AGAP1: variants seen among roughly 807,000 people sequenced by gnomAD.
The protein encoded by AGAP1 is ArfGAP with GTPase domain, ankyrin repeat and PH domain 1.
Under a neutral mutation model 105.3 loss-of-function variants are expected in AGAP1, and 29 were observed. That is an observed-to-expected ratio of 0.28 (90% CI 0.21 to 0.38). AGAP1 has a LOEUF of 0.38. AGAP1 is among the 10% of genes least tolerant of loss of function. The pLI is 1.00. For missense variants in AGAP1, 998 were observed against 1,165.1 expected (o/e 0.86, Z 2.09); for synonymous variants, 509 against 485.9 (o/e 1.05, Z -0.63).
intron 6 of AGAP1, among the ~76,000 whole-genome samples, chr2:235,784,742 C>T (rs763528213): frequency 6.6e-6 from 1 of 152,024 alleles, no homozygotes; most frequent in Non-Finnish European, 1.5e-5. Context: ...TTTATGTGGA[C>T]CCTCAAATTC....
At chr2:235,884,452 G>GTT (rs35976413) in intron 10 of AGAP1, among the ~76,000 whole-genome samples, 40,689 of 124,416 alleles carry the variant, frequency 0.33, 7,552 homozygotes, top group South Asian at 0.59. Context: ...ATTTTTCACT[G>GTT]TTTTTTTTTT....
chr2:235,706,542 C>G (rs544758756), intron 1 of AGAP1, among the ~76,000 whole-genome samples: 4 of 152,162 alleles, frequency 2.6e-5, no homozygotes, highest in Non-Finnish European at 5.9e-5. Context: ...TTTTGCACCC[C>G]TCACCCCCGA....
At chr2:235,735,045 G>A (rs1324761684) in intron 3 of AGAP1, among the ~76,000 whole-genome samples, 2 of 123,682 alleles carry the variant, frequency 1.6e-5, no homozygotes, top group Non-Finnish European at 4.0e-5. Context: ...CTCTTGCTCT[G>A]TGTCTGAACT....
chr2:235,806,530 G>A (rs1422215377), intron 8 of AGAP1, among the ~76,000 whole-genome samples: 1 of 152,178 alleles, frequency 6.6e-6, no homozygotes, highest in East Asian at 1.9e-4. Context: ...CCCGGTGGCA[G>A]CCACTCGTCG....
At chr2:235,756,110 C>T (rs189227516) in intron 6 of AGAP1, among the ~76,000 whole-genome samples, 1 of 152,282 alleles carries the variant, frequency 6.6e-6, no homozygotes, top group Admixed American at 6.5e-5. Flanking sequence ...ATGGTGCATT[C>T]AGCACTGTCG....
rs2125598820 is a variant in AGAP1 at position 236,020,906 on chromosome 2, C to G, written c.1646-15655C>G. ...GTAGGCCGGGCACAGTGGCTCACACCTATAATCCCAGCACTTTGGGAGGTC... is the reference window on the plus strand; with the variant it reads ...GTAGGCCGGGCACAGTGGCTCACACGTATAATCCCAGCACTTTGGGAGGTC... On this transcript the variant is annotated intron_variant, in intron 13 of 17. Transcript: ENST00000304032. The surrounding 1 kb of genome is among the most constrained non-coding windows in gnomAD (Gnocchi z 5.0). Among the ~76,000 whole-genome samples, 1 of 152,222 alleles carries G rather than the reference C, an allele frequency of 6.6e-6. No homozygotes were observed. Among genetic ancestry groups the G allele is most frequent in the South Asian group, 2.1e-4 (1 of 4,818 alleles).
chr2:235,693,827 C>T (rs532916861), intron 1 of AGAP1, among the ~76,000 whole-genome samples: 18 of 152,302 alleles, frequency 1.2e-4, no homozygotes, highest in African/African-American at 3.4e-4. Context: ...AACTTGATTT[C>T]CTCTGGCATA....
At chr2:235,624,287 C>G (rs1194147826) in intron 1 of AGAP1, among the ~76,000 whole-genome samples, 2 of 152,226 alleles carry the variant, frequency 1.3e-5, no homozygotes, top group Non-Finnish European at 2.9e-5. Context: ...CCTACAGATA[C>G]AGTGGAAGTC....
rs2055666643 is a variant in AGAP1, at chr2:235,993,606, T to C, written c.1645+24983T>C. 6.6e-6 allele frequency among the ~76,000 whole-genome samples: 1 copy of C among 152,218 alleles called. No homozygotes were observed. Among genetic ancestry groups the C allele is most frequent in the African/African-American group, 2.4e-5 (1 of 41,460 alleles). ...ATTGTGGAAACTGAAGCCAGCAAGA[T>C]ACTGTGAAGGAAAATGCTTGGAGAA... On this transcript the variant is annotated intron_variant, in intron 13 of 17. Transcript: ENST00000304032. The surrounding 1 kb of genome is among the most constrained non-coding windows in gnomAD (Gnocchi z 5.0).
Position 236,024,286 on chromosome 2 carries a change from C to T in AGAP1, c.1646-12275C>T, listed in dbSNP as rs368040399. Among the ~76,000 whole-genome samples the T allele has an allele frequency of 5.0e-4, 76 of 152,256 alleles. 1 individual carries two copies. Among genetic ancestry groups the T allele is most frequent in the African/African-American group, 1.8e-3 (74 of 41,562 alleles). On this transcript the variant is annotated intron_variant, in intron 13 of 17. Transcript: ENST00000304032. ...TCTTGAGCTCAGGCAATCCACCCAC[C>T]TTGGCCTCCCAAAGTGTTAGGATTA...
rs549675673 is a variant in AGAP1, at chr2:235,940,083, A to G, written c.1483+9160A>G. On this transcript the variant is annotated intron_variant, in intron 12 of 17. Coordinates refer to ENST00000304032, the MANE Select transcript of AGAP1 (RefSeq NM_001037131.3). ...TCTGTTTCTCACCCACCTTTTCACC[A>G]TCTATCCTCCCAGTAGTTCAAAACA... Among the ~76,000 whole-genome samples the G allele has an allele frequency of 4.6e-5, 7 of 151,990 alleles. No individual in the cohort carries two copies. In the East Asian group the frequency reaches 1.2e-3, roughly 25 times the overall value.
At position 235,752,532 on chromosome 2, in the gene AGAP1, G is replaced by A. The variant is rs537386154; in HGVS notation, c.673+2044G>A. ...ACGCTTTGTGTCGATGGGCTGCAGC[G>A]GGTTTGGGCCCCTCTCCAGCTGTGA... On this transcript the variant is annotated intron_variant, in intron 6 of 17. Coordinates refer to ENST00000304032, the MANE Select transcript of AGAP1 (RefSeq NM_001037131.3). This position sits in a 1 kb window ranked among gnomAD's most constrained non-coding sequence, Gnocchi z 4.3. Among the ~76,000 whole-genome samples, 14 of 152,246 alleles carry A rather than the reference G, an allele frequency of 9.2e-5. No individual in the cohort carries two copies. Among genetic ancestry groups the A allele is most frequent in the African/African-American group, 1.7e-4 (7 of 41,554 alleles).
chr2:236,039,251 C>A (rs755073380), intron 14 of AGAP1, among the ~76,000 whole-genome samples: 1 of 152,050 alleles, frequency 6.6e-6, no homozygotes, highest in Non-Finnish European at 1.5e-5. Context: ...TCGAGACCAG[C>A]CTGGCCAACA....
chr2:235,834,415 G>A (rs1959867190), intron 9 of AGAP1, among the ~76,000 whole-genome samples: 1 of 152,152 alleles, frequency 6.6e-6, no homozygotes, highest in African/African-American at 2.4e-5. Context: ...CTCTGTCCCT[G>A]CCTGCTGGAA....
rs575997935 is a variant in AGAP1, at chr2:235,716,703, G to A, written c.223-854G>A. ...AGCAGCTTCCCAGAGAAGGCGGCAT[G>A]GGGGGTATCCAGCTCCCAAGCACAG... On this transcript the variant is annotated intron_variant, in intron 2 of 17. Coordinates refer to ENST00000304032, the MANE Select transcript of AGAP1 (RefSeq NM_001037131.3). The surrounding 1 kb of genome is among the most constrained non-coding windows in gnomAD (Gnocchi z 4.0). Among the ~76,000 whole-genome samples the A allele has an allele frequency of 2.6e-5, 4 of 152,180 alleles. No homozygotes were observed. In the South Asian group the frequency reaches 8.3e-4, roughly 32 times the overall value.
intron 1 of AGAP1, among the ~76,000 whole-genome samples, chr2:235,540,092 C>T (rs1019398063): frequency 6.6e-6 from 1 of 151,596 alleles, no homozygotes; most frequent in African/African-American, 2.4e-5. Context: ...GGGACACCTC[C>T]ATCTCATTTT....
chr2:235,766,268 C>G (rs1954944197), intron 6 of AGAP1, among the ~76,000 whole-genome samples: 1 of 152,212 alleles, frequency 6.6e-6, no homozygotes, highest in Non-Finnish European at 1.5e-5. Context: ...AGAGCGTTTT[C>G]TGCATGCAAC....
rs924734650 is a variant in AGAP1 at position 235,958,551 on chromosome 2, G to A, written c.1484-9911G>A. Reference sequence around the variant, plus strand: ...ACCTGGCGAGGACCCTCACCAAGGCGAGCTCCCTGCAATGGTTCATCAAAA... The same window carrying A: ...ACCTGGCGAGGACCCTCACCAAGGCAAGCTCCCTGCAATGGTTCATCAAAA... On this transcript the variant is annotated intron_variant, in intron 12 of 17. Transcript: ENST00000304032. This position sits in a 1 kb window ranked among gnomAD's most constrained non-coding sequence, Gnocchi z 4.1. Among the ~76,000 whole-genome samples, 3 of 152,244 alleles carry A rather than the reference G, an allele frequency of 2.0e-5. No homozygotes were observed. Among genetic ancestry groups the A allele is most frequent in the African/African-American group, 4.8e-5 (2 of 41,550 alleles).
At chr2:235,603,003 A>G (rs1300982479) in intron 1 of AGAP1, among the ~76,000 whole-genome samples, 1 of 152,112 alleles carries the variant, frequency 6.6e-6, no homozygotes, top group Non-Finnish European at 1.5e-5. Context: ...TGCCTGGCCC[A>G]TCGGACACAC....
Sources: allele counts gnomAD v4.1 joint callset (sites outside exome capture counted in the v4.1 genomes callset), GRCh38; gene constraint gnomAD v4.1.1; non-coding constraint Gnocchi (gnomAD v3.1); transcripts MANE v1.5; gene names NCBI Gene and HGNC (gene_info 2026-07-23, HGNC 2026-07-21).